KIZ: variants seen among roughly 807,000 people sequenced by gnomAD.
KIZ encodes the protein centrosomal protein kizuna.
Under a neutral mutation model 79.6 loss-of-function variants are expected in KIZ, and 68 were observed. The ratio of observed to expected loss-of-function variants is 0.85; its 90% CI spans 0.70 to 1.05. KIZ has a LOEUF of 1.05. KIZ is among the 50% of genes least tolerant of loss of function. The pLI, the probability that KIZ is intolerant of heterozygous loss-of-function variation, is 0.00. For synonymous variants in KIZ, 280 were observed against 281.8 expected, an observed-to-expected ratio of 0.99 and a Z score of 0.06; for missense variants, 797 against 800.4, an observed-to-expected ratio of 1.00 and a Z score of 0.05.
Position 21,162,035 on chromosome 20 carries a change from C to T in KIZ, c.570C>T (p.Asp190=). 3.7e-6 allele frequency: 6 copies of T among 1,613,954 alleles called. No homozygotes were observed. The highest frequency in any genetic ancestry group is 5.1e-6 in the Non-Finnish European group (6 of 1,179,866). Residue 190 remains aspartate, a synonymous_variant, in exon 5 of 13, where the codon GAC becomes GAT. Coordinates refer to ENST00000619189, the MANE Select transcript of KIZ (RefSeq NM_018474.6). ...CCACAAAGAACTTTTCAATTCCTGA[C>T]CCACATTCACACCGACAGACAGCCC... ...PQPTKNFSIP[D]PHSHRQTAQS...
At chr20:21,159,235 T>C (rs1321024434) in intron 4 of KIZ, among the ~76,000 whole-genome samples, 1 of 151,994 alleles carries the variant, frequency 6.6e-6, no homozygotes, top group East Asian at 1.9e-4. Context: ...CCAAGGCTGG[T>C]CTCAAGTTCC....
At chr20:21,190,696 A>G (rs1472021884) in intron 6 of KIZ, among the ~76,000 whole-genome samples, 1 of 152,334 alleles carries the variant, frequency 6.6e-6, no homozygotes, top group African/African-American at 2.4e-5. Context: ...AAAAATTTTC[A>G]TGGGTCTTAG....
intron 9 of KIZ, among the ~76,000 whole-genome samples, chr20:21,220,917 C>T (rs2036482850): frequency 6.6e-6 from 1 of 152,220 alleles, no homozygotes; most frequent in Admixed American, 6.5e-5. Flanking sequence ...GCTTGCCTTT[C>T]CTTTCTCTTG....
At chr20:21,162,568 G>C in intron 5 of KIZ, 61 bp downstream of exon 5, 1 of 1,230,930 alleles carries the variant, frequency 8.1e-7, no homozygotes, top group Non-Finnish European at 1.1e-6. Context: ...CTTATGTAAG[G>C]ACAAAATATA....
intron 6 of KIZ, among the ~76,000 whole-genome samples, chr20:21,186,221 C>T (rs532762987): frequency 5.3e-5 from 8 of 152,152 alleles, no homozygotes; most frequent in East Asian, 3.9e-4. Context: ...CCACCTTAAA[C>T]GTTGAAAAGC....
intron 11 of KIZ, among the ~76,000 whole-genome samples, chr20:21,234,348 A>G: frequency 6.6e-6 from 1 of 151,276 alleles, no homozygotes; most frequent in Non-Finnish European, 1.5e-5. Flanking sequence ...CCCTTTAAGA[A>G]AACAAAAAAA....
Position 21,161,959 on chromosome 20 carries a change from C to T in KIZ, c.494C>T (p.Ser165Leu). ...PATIFMGRQM[S>L]AILSMRDFST... The stretch of plus-strand genomic sequence containing the variant: ...ACAATCTTTATGGGCCGCCAAATGT[C>T]AGCCATCTTAAGCATGAGAGATTTC... The change falls in exon 5 of 13, where the codon TCA becomes TTA. Residue 165 changes from serine (S) to leucine (L), a missense_variant. Ser to Leu is a moderately radical substitution (Grantham distance 145, BLOSUM62 -2). Transcript: ENST00000619189. 6.2e-7 allele frequency: 1 copy of T among 1,613,888 alleles called. No homozygotes were observed. Among genetic ancestry groups the T allele is most frequent in the Non-Finnish European group, 8.5e-7 (1 of 1,179,782 alleles).
chr20:21,189,907 C>T (rs2035041300), intron 6 of KIZ, among the ~76,000 whole-genome samples: 1 of 152,150 alleles, frequency 6.6e-6, no homozygotes, highest in South Asian at 2.1e-4. Context: ...CAAGTGGCCC[C>T]CTGGAAGGGA....
rs2031451726 is a variant in KIZ at position 21,126,191 on chromosome 20, G to T, written c.76G>T (p.Gly26Trp). 2.7e-6 allele frequency: 4 copies of T among 1,484,878 alleles called. No individual in the cohort carries two copies. The highest frequency in any genetic ancestry group is 2.7e-6 in the Non-Finnish European group (3 of 1,113,294). 92.0% of individuals were successfully genotyped at this position (1,484,878 alleles called of 1,614,324 possible). A position where few individuals can be genotyped will look rare whatever the true frequency, so the allele number is the denominator to read the frequency against. Residue 26 changes from glycine to tryptophan, a missense_variant, in exon 1 of 13, where the codon GGG (glycine) becomes TGG (tryptophan). Gly to Trp is a radical substitution (Grantham distance 184). Transcript: ENST00000619189. Reference protein sequence around the residue: ...YYERLGQLQHGLRDSEKKRLD... With the variant: ...YYERLGQLQHWLRDSEKKRLD... ...CGAGAGGCTGGGCCAACTCCAGCAC[G>T]GGCTGCGGGACAGGTAAGGGCACTG...
In KIZ at chr20:21,168,265, G is replaced by T. The variant is rs139547141; in HGVS notation, c.1352+5106G>T. Among the ~76,000 whole-genome samples the T allele has an allele frequency of 4.7e-3, 713 of 152,178 alleles. 4 individuals are homozygous for T. The highest frequency in any genetic ancestry group is 0.017 in the African/African-American group (689 of 41,498). The stretch of plus-strand genomic sequence containing the variant: ...GGACATGAACTCATCATTTTTTATG[G>T]CTGCATAGTATTCCATGGTGTATAT... On this transcript the variant is annotated intron_variant, in intron 6 of 12. Transcript: ENST00000619189.
Position 21,162,328 on chromosome 20 carries a change from C to T in KIZ, c.863C>T (p.Thr288Ile), listed in dbSNP as rs1167411865. ...LRERLSPENR[T>I]TDLKCDSSSG... The stretch of plus-strand genomic sequence containing the variant: ...GAAAGATTAAGTCCAGAGAACAGAA[C>T]CACTGATTTAAAGTGTGACAGTTCC... Residue 288 changes from threonine (T) to isoleucine (I), a missense_variant, in exon 5 of 13, where the codon ACC (threonine) becomes ATC (isoleucine). Physicochemically the swap from Thr to Ile is moderately conservative, Grantham distance 89. Coordinates refer to ENST00000619189, the MANE Select transcript of KIZ (RefSeq NM_018474.6). 1.9e-6 allele frequency: 3 copies of T among 1,613,740 alleles called. No individual in the cohort carries two copies. The highest frequency in any genetic ancestry group is 2.7e-5 in the African/African-American group (2 of 74,932).
chr20:21,150,267 T>C (rs540496494), intron 4 of KIZ, among the ~76,000 whole-genome samples: 2 of 152,284 alleles, frequency 1.3e-5, no homozygotes, highest in African/African-American at 4.8e-5. Flanking sequence ...CCCAGGGATA[T>C]GGGCCCGCCC....
At chr20:21,128,522 T>C (rs1362142473) in intron 1 of KIZ, among the ~76,000 whole-genome samples, 1 of 152,222 alleles carries the variant, frequency 6.6e-6, no homozygotes, top group Admixed American at 6.5e-5. Context: ...TGTTAGCTGG[T>C]CAAATAACCA....
At chr20:21,126,324 A>G (rs1016600203) in intron 1 of KIZ, 120 bp downstream of exon 1, 10 of 620,692 alleles carry the variant, frequency 1.6e-5, no homozygotes, top group East Asian at 6.9e-5. Flanking sequence ...CCCGCGCGCA[A>G]CGCCCCCCAG....
intron 9 of KIZ, 40 bp downstream of exon 9, chr20:21,215,688 T>G (rs375288219): frequency 1.0e-4 from 139 of 1,367,984 alleles, no homozygotes; most frequent in Non-Finnish European, 1.4e-4. Flanking sequence ...ACACAAGATT[T>G]AGCATTATTA....
At chr20:21,199,751 G>C (rs1446983736) in intron 6 of KIZ, among the ~76,000 whole-genome samples, 1 of 152,224 alleles carries the variant, frequency 6.6e-6, no homozygotes, top group Non-Finnish European at 1.5e-5. Context: ...AACCATTGCA[G>C]AAACACTGGT....
intron 6 of KIZ, among the ~76,000 whole-genome samples, chr20:21,170,257 A>C (rs897036053): frequency 1.3e-5 from 2 of 152,144 alleles, no homozygotes; most frequent in African/African-American, 4.8e-5. Context: ...TAAATGGGAT[A>C]TCCATCTCCT....
intron 4 of KIZ, among the ~76,000 whole-genome samples, chr20:21,156,899 T>C (rs548741135): frequency 1.6e-4 from 24 of 152,294 alleles, no homozygotes; most frequent in African/African-American, 4.3e-4. Flanking sequence ...ATTTGGTAAA[T>C]CTGGCTAAAC....
intron 6 of KIZ, among the ~76,000 whole-genome samples, chr20:21,177,230 C>G (rs1310667391): frequency 6.6e-6 from 1 of 152,178 alleles, no homozygotes; most frequent in Non-Finnish European, 1.5e-5. Context: ...TCCAGTTTCT[C>G]TACATCTTTG....
Sources: allele counts gnomAD v4.1 joint callset (sites outside exome capture counted in the v4.1 genomes callset), GRCh38; gene constraint gnomAD v4.1.1; transcripts MANE v1.5; gene names NCBI Gene and HGNC (gene_info 2026-07-23, HGNC 2026-07-21).